SOX6: variants seen among roughly 807,000 people sequenced by gnomAD.
The protein encoded by SOX6 is transcription factor SOX-6.
A neutral mutation model predicts 97.8 loss-of-function variants in SOX6; 11 were observed. That is an observed-to-expected ratio of 0.11 (90% confidence interval 0.07 to 0.19). SOX6 has a LOEUF of 0.19. Among genes scored for constraint, SOX6 ranks in the 10% least tolerant of loss-of-function variants. SOX6 has a pLI of 1.00. For synonymous variants in SOX6, 360 were observed against 371.4 expected, an observed-to-expected ratio of 0.97 and a Z score of 0.35; for missense variants, 810 against 1,039.5, an observed-to-expected ratio of 0.78 and a Z score of 3.04.
intron 10 of SOX6, among the ~76,000 whole-genome samples, chr11:16,051,727 G>A (rs1847691512): frequency 6.6e-6 from 1 of 152,036 alleles, no homozygotes; most frequent in African/African-American, 2.4e-5. Context: ...GGGGCTCACT[G>A]AGCTTCTAAA....
At chr11:16,684,257 T>C (rs534077914) in intron 3 of SOX6, among the ~76,000 whole-genome samples, 11 of 152,212 alleles carry the variant, frequency 7.2e-5, no homozygotes, top group Non-Finnish European at 1.6e-4. Flanking sequence ...TTATAAATCA[T>C]GCTACTATAA....
At chr11:16,513,611 C>T (rs564245412) in intron 4 of SOX6, among the ~76,000 whole-genome samples, 8 of 152,170 alleles carry the variant, frequency 5.3e-5, no homozygotes, top group Middle Eastern at 3.4e-3. Flanking sequence ...CCAGCCTGGG[C>T]GACAGAGCAA....
At chr11:16,508,691 G>A (rs1199976237) in intron 4 of SOX6, among the ~76,000 whole-genome samples, 1 of 152,030 alleles carries the variant, frequency 6.6e-6, no homozygotes, top group African/African-American at 2.4e-5. Flanking sequence ...TGTGTGGGTA[G>A]GAGGGTGGGA....
Position 16,055,993 on chromosome 11 carries a change from A to C in SOX6, c.1102-92T>G, listed in dbSNP as rs1486396738. ...AACTTACCATATTGTTAGATTTCTCAGACAGCCTTGTAATTTCTTTTTCAC... is the reference window on the plus strand; with the variant it reads ...AACTTACCATATTGTTAGATTTCTCCGACAGCCTTGTAATTTCTTTTTCAC... On this transcript the variant is annotated intron_variant, in intron 9 of 15. Transcript: ENST00000683767. The C allele has an allele frequency of 5.8e-6, 8 of 1,389,582 alleles. No individual in the cohort carries two copies. In the South Asian group the frequency reaches 9.7e-5, roughly 17 times the overall value. The allele number at this position is 1,389,582 out of a possible 1,614,324, so 86.1% of individuals were successfully genotyped here. A position where few individuals can be genotyped will look rare whatever the true frequency, so the allele number is the denominator to read the frequency against.
At chr11:16,524,858 T>A (rs1013951015) in intron 4 of SOX6, among the ~76,000 whole-genome samples, 1 of 152,160 alleles carries the variant, frequency 6.6e-6, no homozygotes, top group Non-Finnish European at 1.5e-5. Flanking sequence ...GAGAGCCATA[T>A]CATGAGTGAA....
At chr11:16,316,600 T>C in intron 3 of SOX6, 1 of 151,968 alleles carries the variant, frequency 6.6e-6, no homozygotes, top group Non-Finnish European at 1.5e-5. Flanking sequence ...AAATTAACCA[T>C]TACTTGCAAG....
intron 3 of SOX6, among the ~76,000 whole-genome samples, chr11:16,237,457 A>C (rs1853058330): frequency 6.6e-6 from 1 of 152,080 alleles, no homozygotes; most frequent in Non-Finnish European, 1.5e-5. Context: ...AATTAAAAGT[A>C]AGGATCCATT....
chr11:16,398,927 T>C (rs1377111919), intron 1 of SOX6, among the ~76,000 whole-genome samples: 1 of 151,402 alleles, frequency 6.6e-6, no homozygotes, highest in Admixed American at 6.6e-5. Context: ...CATTTATTTT[T>C]ATTTTCATAG....
intron 1 of SOX6, among the ~76,000 whole-genome samples, chr11:16,370,657 T>C (rs1857475144): frequency 6.6e-6 from 1 of 152,030 alleles, no homozygotes; most frequent in South Asian, 2.1e-4. Flanking sequence ...AGTCCAGAAC[T>C]GAGCTTTTGA....
At chr11:16,694,433 G>A (rs1848037938) in intron 3 of SOX6, among the ~76,000 whole-genome samples, 1 of 152,224 alleles carries the variant, frequency 6.6e-6, no homozygotes, top group South Asian at 2.1e-4. Context: ...TAAGACAGGA[G>A]GATCGCTTGA....
chr11:16,261,194 T>C (rs1186682652), intron 3 of SOX6, among the ~76,000 whole-genome samples: 2 of 152,250 alleles, frequency 1.3e-5, no homozygotes, highest in South Asian at 2.1e-4. Flanking sequence ...AAGAAATCCA[T>C]CTGTCTTGCT....
Position 16,613,187 on chromosome 11 carries a change from C to G in SOX6, n.430-927G>C, listed in dbSNP as rs1048671624. On this transcript the variant is annotated intron_variant and non_coding_transcript_variant, in intron 3 of 5. Coordinates refer to the SOX6 transcript ENST00000524520. This position sits in a 1 kb window ranked among gnomAD's most constrained non-coding sequence, Gnocchi z 4.6. ...CAGACGGGCTATGGAAATCTCAGTT[C>G]TAGGAACCGTGTCCTTTCGTCCCGG... The G allele has an allele frequency of 6.6e-6, 1 of 152,162 alleles. No individual in the cohort carries two copies. The highest frequency in any genetic ancestry group is 1.5e-5 in the Non-Finnish European group (1 of 68,082). The allele number at this position is 152,162 out of a possible 1,614,324, so 9.4% of individuals were successfully genotyped here.
intron 13 of SOX6, among the ~76,000 whole-genome samples, chr11:16,013,284 G>C (rs1192556091): frequency 6.6e-6 from 1 of 151,970 alleles, no homozygotes; most frequent in Admixed American, 6.6e-5. Flanking sequence ...AATTACATAT[G>C]GTCAACAATT....
intron 4 of SOX6, among the ~76,000 whole-genome samples, chr11:16,573,199 G>A (rs149008345): frequency 1.3e-5 from 2 of 152,288 alleles, no homozygotes; most frequent in African/African-American, 4.8e-5. Context: ...GAAGTGACAA[G>A]GTTGGGACCT....
intron 9 of SOX6, among the ~76,000 whole-genome samples, chr11:16,079,943 C>G (rs906052086): frequency 5.3e-5 from 8 of 151,872 alleles, no homozygotes; most frequent in African/African-American, 1.9e-4. Context: ...ATATAATAAG[C>G]ATACAATGTG....
In SOX6 at chr11:16,698,326, C is replaced by CTTCAAACT. The variant is rs537151686; in HGVS notation, n.429+16496_429+16503dup. 3.9e-5 allele frequency among the ~76,000 whole-genome samples: 6 copies of CTTCAAACT among 152,300 alleles called. No homozygotes were observed. The East Asian group carries it at 9.6e-4, about 24-fold the overall frequency. On this transcript the variant is annotated intron_variant and non_coding_transcript_variant, in intron 3 of 5. Coordinates refer to the SOX6 transcript ENST00000524520. ...AACCTCATGAACCAACCTCTCCTAG[C>CTTCAAACT]TTCAAACTTTTCTTCTGCAGTTTCT... is the stretch of plus-strand genomic sequence containing the variant.
At chr11:16,003,185 G>T (rs1854451904) in intron 13 of SOX6, among the ~76,000 whole-genome samples, 1 of 151,808 alleles carries the variant, frequency 6.6e-6, no homozygotes, top group African/African-American at 2.4e-5. Flanking sequence ...TCCAACTATG[G>T]CTCCAGTACC....
intron 4 of SOX6, among the ~76,000 whole-genome samples, chr11:16,494,776 C>A (rs1449038388): frequency 1.3e-5 from 2 of 152,072 alleles, no homozygotes; most frequent in Non-Finnish European, 2.9e-5. Context: ...AGTGAAAGAC[C>A]CTCAGTGGTT....
intron 4 of SOX6, among the ~76,000 whole-genome samples, chr11:16,520,455 C>G (rs1455249088): frequency 1.3e-5 from 2 of 152,208 alleles, no homozygotes; most frequent in Non-Finnish European, 2.9e-5. Context: ...CTTCCAAATT[C>G]TATTCACCAG....
Sources: allele counts gnomAD v4.1 joint callset (sites outside exome capture counted in the v4.1 genomes callset), GRCh38; gene constraint gnomAD v4.1.1; non-coding constraint Gnocchi (gnomAD v3.1); transcripts MANE v1.5; gene names NCBI Gene and HGNC (gene_info 2026-07-23, HGNC 2026-07-21).